Variants in TEX36 observed in about 807,000 individuals in gnomAD.
TEX36 encodes the protein testis expressed 36.
A neutral mutation model predicts 13.6 loss-of-function variants in TEX36; 12 were observed. That is an observed-to-expected ratio of 0.88 (90% CI 0.56 to 1.43). The LOEUF is 1.43. Ranked by LOEUF, TEX36 falls within the 40% of genes most tolerant of loss-of-function variation. The pLI is 0.00. For synonymous variants in TEX36, 93 were observed against 83.0 expected, an observed-to-expected ratio of 1.12 and a Z score of -0.65; for missense variants, 224 against 228.3, an observed-to-expected ratio of 0.98 and a Z score of 0.12.
chr10:125,663,589 T>C (rs1178755238), intron 1 of TEX36, among the ~76,000 whole-genome samples: 4 of 152,216 alleles, frequency 2.6e-5, no homozygotes, highest in Non-Finnish European at 5.9e-5. Flanking sequence ...GTAATAGCTA[T>C]TCTGACTGGG....
chr10:125,645,133 G>C (rs1481476283), intron 3 of TEX36, among the ~76,000 whole-genome samples: 1 of 152,204 alleles, frequency 6.6e-6, no homozygotes, highest in African/African-American at 2.4e-5. Context: ...CTCACCACGT[G>C]CACCCAGACT....
At chr10:125,659,079 G>T (rs183514144) in intron 3 of TEX36, among the ~76,000 whole-genome samples, 1 of 152,140 alleles carries the variant, frequency 6.6e-6, no homozygotes, top group Admixed American at 6.5e-5. Flanking sequence ...TAGAAAGTTT[G>T]AATAGATTAA....
chr10:125,606,304 A>T (rs754955710), intron 3 of TEX36, among the ~76,000 whole-genome samples: 6 of 152,230 alleles, frequency 3.9e-5, no homozygotes, highest in Non-Finnish European at 7.3e-5. Context: ...ACCGTAGACC[A>T]CATCTTCCTT....
At chr10:125,665,623 A>G (rs1328339241) in intron 1 of TEX36, among the ~76,000 whole-genome samples, 1 of 151,994 alleles carries the variant, frequency 6.6e-6, no homozygotes, top group Non-Finnish European at 1.5e-5. Flanking sequence ...TTTGGTTACT[A>G]TAGTCTTGTA....
At chr10:125,672,132 A>G (rs1160960385) in intron 1 of TEX36, among the ~76,000 whole-genome samples, 1 of 151,590 alleles carries the variant, frequency 6.6e-6, no homozygotes, top group East Asian at 1.9e-4. Context: ...TATCTCCTTC[A>G]GTTTCGCTCT....
chr10:125,625,541 A>G (rs1846476391), intron 3 of TEX36, among the ~76,000 whole-genome samples: 1 of 152,246 alleles, frequency 6.6e-6, no homozygotes, highest in Non-Finnish European at 1.5e-5. Flanking sequence ...CCTCAGTGAC[A>G]TGTTCTCTTT....
chr10:125,590,933 C>T (rs948685304), intron 3 of TEX36, among the ~76,000 whole-genome samples: 4 of 152,132 alleles, frequency 2.6e-5, no homozygotes, highest in Admixed American at 6.5e-5. Context: ...TGTTCCTCTT[C>T]GGTTATGTTC....
downstream of TEX36, among the ~76,000 whole-genome samples, chr10:125,619,581 C>A (rs564361288): frequency 1.3e-5 from 2 of 152,302 alleles, no homozygotes; most frequent in South Asian, 4.1e-4. Context: ...GACGGAGTCT[C>A]GCTCTGTAGC....
rs7068548 is a variant in TEX36, at chr10:125,667,161, G to A, written c.52-5184C>T. 3,970 of 668,906 alleles carry A rather than the reference G, an allele frequency of 5.9e-3. 102 individuals are homozygous for A. The African/African-American group carries it at 0.06, about 10-fold the overall frequency. The allele number at this position is 668,906 out of a possible 1,614,324, so 41.4% of individuals were successfully genotyped here. A position where few individuals can be genotyped will look rare whatever the true frequency, so the allele number is the denominator to read the frequency against. ...ACAGGAATGTGATCCCAGGGACAGC[G>A]GGGGGCACTGTGCGGTGCAGCGTTG... On this transcript the variant is annotated intron_variant, in intron 1 of 3. Transcript: ENST00000368821.
chr10:125,619,129 CAAAAAAATAAAAAT>C (rs919385544), downstream of TEX36, among the ~76,000 whole-genome samples: 8 of 150,228 alleles, frequency 5.3e-5, no homozygotes, highest in African/African-American at 9.8e-5. Context: ...GACTCCATCT[CAAAAAAATAAAAAT>C]AAAAAAATAA....
intron 1 of TEX36, among the ~76,000 whole-genome samples, chr10:125,662,754 A>G (rs1463813382): frequency 1.3e-5 from 2 of 152,158 alleles, no homozygotes; most frequent in African/African-American, 4.8e-5. Flanking sequence ...CTACCCCCAG[A>G]AGAAGGCGTG....
downstream of TEX36, among the ~76,000 whole-genome samples, chr10:125,618,080 G>T (rs1445953752): frequency 6.6e-6 from 1 of 151,904 alleles, no homozygotes; most frequent in Admixed American, 6.6e-5. Flanking sequence ...TGATCGCATC[G>T]GCTCCTGAGG....
chr10:125,602,292 G>A lies in TEX36; in HGVS notation c.265-25418C>T, dbSNP rs373520156. Among the ~76,000 whole-genome samples, 5 of 152,172 alleles carry A rather than the reference G, an allele frequency of 3.3e-5. No homozygotes were observed. The South Asian group carries it at 1.0e-3, about 31-fold the overall frequency. ...TACACAGGGCCTTCATTTTCACTAT[G>A]AAATTTGAAGTGAATATTGTCATTC... On this transcript the variant is annotated intron_variant, in intron 3 of 3. Transcript: ENST00000532135.
intron 3 of TEX36, among the ~76,000 whole-genome samples, chr10:125,614,866 C>T (rs1207425894): frequency 3.9e-5 from 6 of 152,112 alleles, no homozygotes. Flanking sequence ...TGTAAATTAC[C>T]TTGGGCAGTA....
chr10:125,638,360 AAGAGAG>A (rs913979651), intron 3 of TEX36, among the ~76,000 whole-genome samples: 1 of 151,586 alleles, frequency 6.6e-6, no homozygotes, highest in Non-Finnish European at 1.5e-5. Context: ...CTAAAAAAGA[AAGAGAG>A]AGAGAGAGAA....
intron 3 of TEX36, among the ~76,000 whole-genome samples, chr10:125,647,793 AC>A (rs1225525291): frequency 6.6e-6 from 1 of 152,142 alleles, no homozygotes; most frequent in Non-Finnish European, 1.5e-5. Context: ...GAAAATCGGG[AC>A]ACTCCCACCA....
chr10:125,608,342 G>T (rs1189181380), intron 3 of TEX36, among the ~76,000 whole-genome samples: 1 of 152,076 alleles, frequency 6.6e-6, no homozygotes, highest in African/African-American at 2.4e-5. Flanking sequence ...TACTGAAAAG[G>T]GATGCGTTTT....
chr10:125,674,309 A>G (rs1847279347), intron 1 of TEX36, among the ~76,000 whole-genome samples: 1 of 152,204 alleles, frequency 6.6e-6, no homozygotes, highest in Non-Finnish European at 1.5e-5. Flanking sequence ...TATTCTGATT[A>G]ACAGCTCCTG....
At chr10:125,682,103 T>G (rs913493453) in intron 1 of TEX36, among the ~76,000 whole-genome samples, 17 of 152,362 alleles carry the variant, frequency 1.1e-4, no homozygotes, top group African/African-American at 3.8e-4. Context: ...CTGCTGTGAT[T>G]TCCCCTTAAC....
Sources: allele counts gnomAD v4.1 joint callset (sites outside exome capture counted in the v4.1 genomes callset), GRCh38; gene constraint gnomAD v4.1.1; transcripts MANE v1.5; gene names NCBI Gene and HGNC (gene_info 2026-07-23, HGNC 2026-07-21).